Variants in PLXDC2 observed in about 807,000 individuals in gnomAD.
PLXDC2 encodes the protein plexin domain containing 2.
PLXDC2 carries 40 observed loss-of-function variants against 68.9 expected under a neutral mutation model. That is an observed-to-expected ratio of 0.58 (90% CI 0.45 to 0.76). The LOEUF (loss-of-function observed/expected upper bound fraction) is 0.76, where lower values mean the gene tolerates loss of function less well. PLXDC2 is among the 30% of genes least tolerant of loss of function. PLXDC2 has a pLI of 0.00. For synonymous variants in PLXDC2, 243 were observed against 234.2 expected (o/e 1.04, Z -0.34); for missense variants, 644 against 661.9 (o/e 0.97, Z 0.30).
chr10:19,960,217 T>G, intron 1 of PLXDC2, among the ~76,000 whole-genome samples: 1 of 134,822 alleles, frequency 7.4e-6, no homozygotes, highest in South Asian at 2.4e-4. Flanking sequence ...AAAAAAAAAT[T>G]AGCCAGGGTG....
At chr10:19,890,429 G>C (rs1837934242) in intron 1 of PLXDC2, among the ~76,000 whole-genome samples, 1 of 151,636 alleles carries the variant, frequency 6.6e-6, no homozygotes, top group African/African-American at 2.4e-5. Context: ...GGTCCTCAGT[G>C]CCTATTGTTG....
chr10:20,208,266 C>T (rs1259306285), intron 9 of PLXDC2, among the ~76,000 whole-genome samples: 1 of 152,130 alleles, frequency 6.6e-6, no homozygotes, highest in African/African-American at 2.4e-5. Flanking sequence ...TTTCCCATGG[C>T]TAGGGAGGCC....
chr10:20,239,525 C>T (rs997478782), intron 12 of PLXDC2, among the ~76,000 whole-genome samples: 2 of 152,166 alleles, frequency 1.3e-5, no homozygotes, highest in Non-Finnish European at 2.9e-5. Flanking sequence ...GGAAGTGCCA[C>T]TTTCAAACCA....
chr10:20,083,810 CACA>C (rs1279026189), intron 4 of PLXDC2, among the ~76,000 whole-genome samples: 1 of 151,916 alleles, frequency 6.6e-6, no homozygotes, highest in African/African-American at 2.4e-5. Context: ...ACAAGGGACC[CACA>C]ACACTAGTTT....
chr10:19,868,871 A>G (rs1837476469), intron 1 of PLXDC2, among the ~76,000 whole-genome samples: 1 of 152,232 alleles, frequency 6.6e-6, no homozygotes, highest in Non-Finnish European at 1.5e-5. Context: ...CAAAACTTTT[A>G]ATGAGAAACT....
intron 4 of PLXDC2, among the ~76,000 whole-genome samples, chr10:20,109,645 CT>C (rs887570836): frequency 3.9e-4 from 60 of 152,148 alleles, no homozygotes; most frequent in African/African-American, 1.4e-3. Context: ...CAGATATCTT[CT>C]CTCACATAGA....
intron 4 of PLXDC2, among the ~76,000 whole-genome samples, chr10:20,096,664 T>G (rs147843232): frequency 6.6e-6 from 1 of 152,120 alleles, no homozygotes; most frequent in African/African-American, 2.4e-5. Context: ...AGAAATAATT[T>G]AGGCCTAAGG....
At position 20,251,147 on chromosome 10, in the gene PLXDC2, A is replaced by AT. The variant is rs201458052; in HGVS notation, c.1473+5650dup. On this transcript the variant is annotated intron_variant, in intron 13 of 13. Transcript: ENST00000377252. Reference sequence around the variant, plus strand: ...TCTATTCAGTCAAGCAGAATAGCCTATTTTTTTTATTAACTTATCTTCTAT... The same window carrying AT: ...TCTATTCAGTCAAGCAGAATAGCCTATTTTTTTTTATTAACTTATCTTCTAT... Among the ~76,000 whole-genome samples, 163 of 152,008 alleles carry AT rather than the reference A, an allele frequency of 1.1e-3. 1 individual carries two copies. The highest frequency in any genetic ancestry group is 3.5e-3 in the African/African-American group (147 of 41,492).
At chr10:19,852,413 A>ATG (rs1837135140) in intron 1 of PLXDC2, among the ~76,000 whole-genome samples, 1 of 124,504 alleles carries the variant, frequency 8.0e-6, no homozygotes, top group African/African-American at 3.3e-5. Context: ...GTGACAGAGC[A>ATG]AGACCCTGTC....
intron 1 of PLXDC2, among the ~76,000 whole-genome samples, chr10:19,926,838 T>C (rs574417207): frequency 6.6e-6 from 1 of 152,308 alleles, no homozygotes; most frequent in South Asian, 2.1e-4. Context: ...TAAAGACCAA[T>C]GAGAGCCCTT....
chr10:20,024,312 C>T (rs1835361412), intron 2 of PLXDC2, among the ~76,000 whole-genome samples: 1 of 152,126 alleles, frequency 6.6e-6, no homozygotes, highest in African/African-American at 2.4e-5. Flanking sequence ...GGTAAGAGAT[C>T]ATTAAGTCAA....
chr10:19,965,639 A>T (rs1834234403), intron 1 of PLXDC2, among the ~76,000 whole-genome samples: 1 of 150,886 alleles, frequency 6.6e-6, no homozygotes, highest in African/African-American at 2.4e-5. Flanking sequence ...TCTGTGAGTC[A>T]GGAAGCTTAT....
chr10:19,862,958 T>C (rs1837343597), intron 1 of PLXDC2, among the ~76,000 whole-genome samples: 1 of 152,204 alleles, frequency 6.6e-6, no homozygotes, highest in Non-Finnish European at 1.5e-5. Flanking sequence ...CTTCGTATAA[T>C]ACATGGAAGT....
chr10:20,184,630 TAAAC>T (rs1834655309), intron 9 of PLXDC2, among the ~76,000 whole-genome samples: 1 of 151,896 alleles, frequency 6.6e-6, no homozygotes, highest in Non-Finnish European at 1.5e-5. Flanking sequence ...TTACAGAAAT[TAAAC>T]TAAGTTTGGA....
chr10:20,254,021 C>T (rs1835711637), intron 13 of PLXDC2, among the ~76,000 whole-genome samples: 1 of 152,112 alleles, frequency 6.6e-6, no homozygotes, highest in Non-Finnish European at 1.5e-5. Flanking sequence ...GATGGTGAAA[C>T]AATTTGTTTG....
intron 4 of PLXDC2, among the ~76,000 whole-genome samples, chr10:20,113,415 T>C (rs1235999067): frequency 1.3e-5 from 2 of 152,190 alleles, no homozygotes; most frequent in African/African-American, 4.8e-5. Context: ...TCCTCAGCCC[T>C]TTCGCCCTTT....
At chr10:20,121,833 C>T (rs1470368847) in intron 4 of PLXDC2, among the ~76,000 whole-genome samples, 2 of 152,100 alleles carry the variant, frequency 1.3e-5, no homozygotes, top group Non-Finnish European at 2.9e-5. Flanking sequence ...AGTTTATAGG[C>T]TTTAAAAGGC....
intron 1 of PLXDC2, among the ~76,000 whole-genome samples, chr10:19,833,486 A>G (rs1239474148): frequency 1.3e-5 from 2 of 152,334 alleles, no homozygotes; most frequent in African/African-American, 4.8e-5. Context: ...TTATTCCAAT[A>G]AAAGGTGCGT....
intron 1 of PLXDC2, among the ~76,000 whole-genome samples, chr10:19,873,403 C>T (rs1017072969): frequency 7.0e-6 from 1 of 142,358 alleles, no homozygotes; most frequent in Non-Finnish European, 1.5e-5. Flanking sequence ...CATTCTTCTT[C>T]GTCTTTTTTT....
Sources: gnomAD v4.1 joint callset for allele counts (sites outside exome capture counted in the v4.1 genomes callset) on GRCh38, gnomAD v4.1.1 for gene constraint, MANE v1.5 for transcripts, NCBI Gene and HGNC (gene_info 2026-07-23, HGNC 2026-07-21) for gene names.